Variants in WWC1 observed in about 807,000 individuals in gnomAD.
WWC1 encodes WW and C2 domain containing 1.
In WWC1, 55 loss-of-function variants were observed where a neutral mutation model predicts 138.4. That is an observed-to-expected ratio of 0.40 (90% CI 0.32 to 0.50). The LOEUF (loss-of-function observed/expected upper bound fraction) is 0.50. Ranked by LOEUF, WWC1 falls within the 20% of genes least tolerant of loss-of-function variation. WWC1 has a pLI of 0.72. For missense variants in WWC1, 1,226 were observed against 1,420.4 expected, an observed-to-expected ratio of 0.86 and a Z score of 2.20; for synonymous variants, 524 against 564.9, an observed-to-expected ratio of 0.93 and a Z score of 1.03.
intron 1 of WWC1, among the ~76,000 whole-genome samples, chr5:168,313,424 C>G (rs894481773): frequency 1.3e-5 from 2 of 152,044 alleles, no homozygotes; most frequent in African/African-American, 2.4e-5. Context: ...AACCCCGTCT[C>G]TACTAAAAAT....
At chr5:168,354,294 G>A (rs988317643) in intron 1 of WWC1, among the ~76,000 whole-genome samples, 5 of 151,902 alleles carry the variant, frequency 3.3e-5, no homozygotes, top group South Asian at 4.2e-4. Flanking sequence ...CAGGTGATCC[G>A]CCCCCCTCGG....
chr5:168,306,605 A>G (rs1224325939), intron 1 of WWC1, among the ~76,000 whole-genome samples: 2 of 151,776 alleles, frequency 1.3e-5, no homozygotes, highest in African/African-American at 2.4e-5. Flanking sequence ...TTTTCTATTT[A>G]TTTGTTTTTG....
chr5:168,347,339 A>G (rs923646401), intron 1 of WWC1, among the ~76,000 whole-genome samples: 2 of 152,242 alleles, frequency 1.3e-5, no homozygotes, highest in South Asian at 4.2e-4. Flanking sequence ...TATTCAGCTC[A>G]CCAGGCTCGC....
At chr5:168,359,030 TGG>T (rs769266538) in intron 1 of WWC1, among the ~76,000 whole-genome samples, 5 of 99,278 alleles carry the variant, frequency 5.0e-5, no homozygotes, top group Non-Finnish European at 7.8e-5. Context: ...TTGGTGGTGG[TGG>T]GGTGTGTGTG....
At chr5:168,357,493 T>TGTGTGTGTGCGC (rs1353607261) in intron 1 of WWC1, among the ~76,000 whole-genome samples, 5 of 119,834 alleles carry the variant, frequency 4.2e-5, no homozygotes, top group African/African-American at 2.1e-4. Context: ...TGTGTGTGTG[T>TGTGTGTGTGCGC]GCGCGCGCGC....
chr5:168,366,802 CTTTT>C lies in WWC1; in HGVS notation c.120-4600_120-4597del, dbSNP rs202012790. The stretch of plus-strand genomic sequence containing the variant: ...CATTTGTATTAATGACTTTGAAACA[CTTTT>C]TTTTTTTTTTTTTTTTTTTTTGAGA... On this transcript the variant is annotated intron_variant, in intron 1 of 22. Coordinates refer to ENST00000265293, the MANE Select transcript of WWC1 (RefSeq NM_015238.3). Among the ~76,000 whole-genome samples the C allele has an allele frequency of 1.4e-3, 144 of 100,568 alleles. 1 individual carries two copies. The highest frequency in any genetic ancestry group is 8.8e-3 in the Middle Eastern group (1 of 114). 66.0% of individuals were successfully genotyped at this position (100,568 alleles called of 152,430 possible). A position where few individuals can be genotyped will look rare whatever the true frequency, so the allele number is the denominator to read the frequency against.
Position 168,406,399 on chromosome 5 carries a change from G to A in WWC1, c.720+72G>A, listed in dbSNP as rs568457354. ...GTATTCCTGTATGCCAGTCGTATGCGGGCTATTTCCACGTGGTACACACAT... is the reference window on the plus strand; with the variant it reads ...GTATTCCTGTATGCCAGTCGTATGCAGGCTATTTCCACGTGGTACACACAT... On this transcript the variant is annotated intron_variant, in intron 6 of 22. Coordinates refer to ENST00000265293, the MANE Select transcript of WWC1 (RefSeq NM_015238.3). The A allele has an allele frequency of 1.2e-4, 187 of 1,586,478 alleles. No homozygotes were observed. In the African/African-American group the frequency reaches 1.6e-3, roughly 14 times the overall value.
At chr5:168,358,764 T>C (rs780106433) in intron 1 of WWC1, among the ~76,000 whole-genome samples, 3 of 151,736 alleles carry the variant, frequency 2.0e-5, no homozygotes, top group South Asian at 4.2e-4. Flanking sequence ...GTTTAAACAA[T>C]TTTATGAGCT....
chr5:168,299,920 A>T (rs950255172), intron 1 of WWC1, among the ~76,000 whole-genome samples: 1 of 152,204 alleles, frequency 6.6e-6, no homozygotes, highest in Non-Finnish European at 1.5e-5. Flanking sequence ...GTGCTAGGTG[A>T]TGAGGCTCTG....
intron 1 of WWC1, among the ~76,000 whole-genome samples, chr5:168,338,171 C>T (rs1203338310): frequency 2.0e-5 from 3 of 151,490 alleles, no homozygotes; most frequent in African/African-American, 7.3e-5. Flanking sequence ...ATTAGCCGGG[C>T]GTGGTGGCAC....
At chr5:168,403,647 G>A (rs1380984590) in intron 5 of WWC1, among the ~76,000 whole-genome samples, 2 of 152,136 alleles carry the variant, frequency 1.3e-5, no homozygotes, top group Non-Finnish European at 2.9e-5. Context: ...TTGCAAATAG[G>A]GAAGAGTGGA....
chr5:168,463,763 G>A (rs893454043), intron 20 of WWC1, among the ~76,000 whole-genome samples: 5 of 152,154 alleles, frequency 3.3e-5, no homozygotes, highest in Non-Finnish European at 7.3e-5. Flanking sequence ...AATCCAGGAT[G>A]TTGGACTACC....
At chr5:168,384,736 C>G (rs4991914) in intron 2 of WWC1, among the ~76,000 whole-genome samples, 74,823 of 117,070 alleles carry the variant, frequency 0.64, 21,457 homozygotes, top group African/African-American at 0.73. Context: ...TTTTTTTTTT[C>G]AGACAGAGTC....
chr5:168,459,035 C>A lies in WWC1; in HGVS notation c.2824-1615C>A, dbSNP rs548140296. Among the ~76,000 whole-genome samples the A allele has an allele frequency of 4.6e-5, 7 of 152,234 alleles. No homozygotes were observed. In the South Asian group the frequency reaches 1.5e-3, roughly 32 times the overall value. On this transcript the variant is annotated intron_variant, in intron 19 of 22. Transcript: ENST00000265293. Reference sequence around the variant, plus strand: ...TTGAGAGGCTGAGATGGGAGGATCACTTGAGCCCAGGAGTTTGAGACCAGC... The same window carrying A: ...TTGAGAGGCTGAGATGGGAGGATCAATTGAGCCCAGGAGTTTGAGACCAGC...
chr5:168,368,846 G>A (rs1776521756), intron 1 of WWC1, among the ~76,000 whole-genome samples: 1 of 152,222 alleles, frequency 6.6e-6, no homozygotes, highest in South Asian at 2.1e-4. Context: ...GGCATGGAGG[G>A]TGGTGGCGGG....
intron 3 of WWC1, among the ~76,000 whole-genome samples, chr5:168,389,427 G>A (rs1320018551): frequency 6.7e-6 from 1 of 149,026 alleles, no homozygotes; most frequent in African/African-American, 2.5e-5. Flanking sequence ...CTCCAGCTTG[G>A]GAGACAGAGC....
intron 17 of WWC1, among the ~76,000 whole-genome samples, chr5:168,450,235 C>T (rs185185699): frequency 1.3e-5 from 2 of 152,234 alleles, no homozygotes; most frequent in Admixed American, 1.3e-4. Context: ...ATTTGTCACA[C>T]CAAATCCTTC....
At chr5:168,435,691 C>A (rs939661207) in intron 15 of WWC1, among the ~76,000 whole-genome samples, 10 of 152,180 alleles carry the variant, frequency 6.6e-5, no homozygotes, top group Admixed American at 5.2e-4. Context: ...GGTTTACAGG[C>A]GTGAGCCACC....
Position 168,466,963 on chromosome 5 carries a change from T to C in WWC1, c.3151-877T>C, listed in dbSNP as rs562307506. Among the ~76,000 whole-genome samples the C allele has an allele frequency of 3.2e-4, 48 of 152,088 alleles. 1 individual carries two copies. The highest frequency in any genetic ancestry group is 3.4e-3 in the Middle Eastern group (1 of 294). On this transcript the variant is annotated intron_variant, in intron 21 of 22. Transcript: ENST00000265293. Reference sequence around the variant, plus strand: ...ATCTATGACTTCTAACAAAGAACCATTGATATGATGGCTTTAGGCCGGACG... The same window carrying C: ...ATCTATGACTTCTAACAAAGAACCACTGATATGATGGCTTTAGGCCGGACG...
Sources: gnomAD v4.1 joint callset for allele counts (sites outside exome capture counted in the v4.1 genomes callset) on GRCh38, gnomAD v4.1.1 for gene constraint, MANE v1.5 for transcripts, NCBI Gene and HGNC (gene_info 2026-07-23, HGNC 2026-07-21) for gene names.